The following FAM184A variants were observed in gnomAD, a reference collection of about 807,000 sequenced individuals.
FAM184A encodes protein FAM184A.
Under a neutral mutation model 143.8 loss-of-function variants are expected in FAM184A, and 99 were observed. The ratio of observed to expected loss-of-function variants is 0.69; its 90% CI spans 0.58 to 0.81. The LOEUF (loss-of-function observed/expected upper bound fraction) is 0.81. FAM184A is among the 40% of genes least tolerant of loss of function. The pLI is 0.00. For missense variants in FAM184A, 1,217 were observed against 1,310.5 expected, an observed-to-expected ratio of 0.93 and a Z score of 1.10; for synonymous variants, 427 against 446.4, an observed-to-expected ratio of 0.96 and a Z score of 0.55.
intron 1 of FAM184A, among the ~76,000 whole-genome samples, chr6:119,114,032 A>G (rs1039460732): frequency 2.0e-5 from 3 of 152,188 alleles, no homozygotes; most frequent in Non-Finnish European, 4.4e-5. Flanking sequence ...TACGGTGCCT[A>G]GTTTATAAAT....
Position 119,003,628 on chromosome 6 carries a change from G to T in FAM184A, c.1816-6C>A. 1 of 1,593,576 alleles carries T rather than the reference G, an allele frequency of 6.3e-7. No homozygotes were observed. Among genetic ancestry groups the T allele is most frequent in the Non-Finnish European group, 8.5e-7 (1 of 1,172,128 alleles). On this transcript the variant is annotated splice_region_variant and splice_polypyrimidine_tract_variant and intron_variant, in intron 7 of 17. Coordinates refer to ENST00000338891, the MANE Select transcript of FAM184A (RefSeq NM_024581.6). ...CTTTCTTGTTCTAGCTCACCCTGAAGAATAAAAACTTTTCAATGAAGACTA... is the reference window on the plus strand; with the variant it reads ...CTTTCTTGTTCTAGCTCACCCTGAATAATAAAAACTTTTCAATGAAGACTA...
chr6:119,122,080 A>G (rs947337525), intron 1 of FAM184A, among the ~76,000 whole-genome samples: 1 of 152,118 alleles, frequency 6.6e-6, no homozygotes, highest in Non-Finnish European at 1.5e-5. Flanking sequence ...GGAACTTTTT[A>G]GTGCAACTCT....
chr6:119,117,472 A>G (rs1215683260), intron 1 of FAM184A, among the ~76,000 whole-genome samples: 1 of 152,216 alleles, frequency 6.6e-6, no homozygotes, highest in Non-Finnish European at 1.5e-5. Context: ...GAGTACAGCA[A>G]TGTATAATCG....
chr6:118,959,945 C>G lies in FAM184A; in HGVS notation c.*158G>C, dbSNP rs988337917. 1 of 520,624 alleles carries G rather than the reference C, an allele frequency of 1.9e-6. No individual in the cohort carries two copies. The highest frequency in any genetic ancestry group is 1.9e-5 in the African/African-American group (1 of 52,574). 32.3% of individuals were successfully genotyped at this position (520,624 alleles called of 1,614,324 possible). On this transcript the variant is annotated 3_prime_UTR_variant, in exon 18 of 18. Coordinates refer to ENST00000338891, the MANE Select transcript of FAM184A (RefSeq NM_024581.6). ...AATATAGTACCTTATAGAATGATTC[C>G]AATAAATATCACAGGAAATACAGTG...
At chr6:118,973,422 A>G (rs1187374214) in intron 14 of FAM184A, among the ~76,000 whole-genome samples, 1 of 152,200 alleles carries the variant, frequency 6.6e-6, no homozygotes, top group African/African-American at 2.4e-5. Flanking sequence ...CAGGAAACCA[A>G]GAAGGTCCAC....
intron 1 of FAM184A, among the ~76,000 whole-genome samples, chr6:119,133,963 T>A (rs551797390): frequency 6.6e-6 from 1 of 151,860 alleles, no homozygotes; most frequent in South Asian, 2.1e-4. Flanking sequence ...ATTACTGGTG[T>A]GAACCCTCAT....
At chr6:119,140,236 C>T (rs1355746866) in intron 1 of FAM184A, among the ~76,000 whole-genome samples, 4 of 152,090 alleles carry the variant, frequency 2.6e-5, no homozygotes, top group African/African-American at 9.7e-5. Flanking sequence ...AGGGAGAGGA[C>T]ATTGAGGATG....
intron 14 of FAM184A, among the ~76,000 whole-genome samples, chr6:118,968,249 G>A (rs1056339839): frequency 3.3e-5 from 5 of 151,992 alleles, no homozygotes; most frequent in Admixed American, 6.6e-5. Context: ...TAACACTAAT[G>A]ATAGCTGATG....
intron 1 of FAM184A, among the ~76,000 whole-genome samples, chr6:119,028,554 A>T (rs540633563): frequency 6.6e-6 from 1 of 152,300 alleles, no homozygotes; most frequent in African/African-American, 2.4e-5. Flanking sequence ...ACAAAAGTCA[A>T]GTTTCCAGAT....
At chr6:119,139,115 C>G (rs751379981) in intron 1 of FAM184A, among the ~76,000 whole-genome samples, 1 of 152,128 alleles carries the variant, frequency 6.6e-6, no homozygotes, top group Non-Finnish European at 1.5e-5. Context: ...CCTGCCCACT[C>G]CTCTCCCCAT....
At chr6:119,065,516 C>T (rs1787416964) in intron 1 of FAM184A, among the ~76,000 whole-genome samples, 1 of 152,208 alleles carries the variant, frequency 6.6e-6, no homozygotes, top group South Asian at 2.1e-4. Flanking sequence ...CAATAGGTAA[C>T]TAACACGTGT....
intron 1 of FAM184A, among the ~76,000 whole-genome samples, chr6:119,034,035 TATATATAGAGAGAGAGAGAG>T (rs1387187246): frequency 2.9e-5 from 1 of 34,260 alleles, no homozygotes; most frequent in African/African-American, 1.1e-4. Flanking sequence ...TATATATATA[TATATATAGAGAGAGAGAGAG>T]AGAGAGAGAG....
chr6:119,089,395 G>C (rs971724556), intron 1 of FAM184A, among the ~76,000 whole-genome samples: 1 of 151,566 alleles, frequency 6.6e-6, no homozygotes, highest in Non-Finnish European at 1.5e-5. Flanking sequence ...TCGTAGAGAC[G>C]GGTTTCAACT....
At chr6:118,963,066 A>T (rs1562452298) in intron 16 of FAM184A, 1 of 152,112 alleles carries the variant, frequency 6.6e-6, no homozygotes, top group Non-Finnish European at 1.5e-5. Context: ...CCAGAAAAAG[A>T]AAATAATAAT....
chr6:119,128,521 T>A (rs1789435453), intron 1 of FAM184A, among the ~76,000 whole-genome samples: 1 of 152,190 alleles, frequency 6.6e-6, no homozygotes, highest in Non-Finnish European at 1.5e-5. Context: ...GTGCCTGGTT[T>A]GTTTCAAGAT....
intron 1 of FAM184A, among the ~76,000 whole-genome samples, chr6:119,092,666 G>A (rs1490750495): frequency 2.6e-5 from 4 of 151,570 alleles, no homozygotes; most frequent in Non-Finnish European, 5.9e-5. Flanking sequence ...GGTCTCTTTG[G>A]GGGAAGAATT....
intron 1 of FAM184A, among the ~76,000 whole-genome samples, chr6:119,123,111 G>A (rs113721931): frequency 5.3e-5 from 8 of 151,786 alleles, no homozygotes; most frequent in African/African-American, 1.2e-4. Context: ...AGGGGCAGGC[G>A]GGGGGATGGT....
chr6:119,060,839 TC>T (rs1787205594), intron 1 of FAM184A, among the ~76,000 whole-genome samples: 1 of 152,128 alleles, frequency 6.6e-6, no homozygotes, highest in Non-Finnish European at 1.5e-5. Context: ...TTGTGTTCCA[TC>T]GTGAGTAAAA....
At chr6:119,059,555 CTTATTTGTT>C (rs1787141647) in intron 1 of FAM184A, among the ~76,000 whole-genome samples, 1 of 152,158 alleles carries the variant, frequency 6.6e-6, no homozygotes, top group East Asian at 1.9e-4. Flanking sequence ...TGGTTTCCAA[CTTATTTGTT>C]TTAAAAGCTT....
Sources: gnomAD v4.1 joint callset for allele counts (sites outside exome capture counted in the v4.1 genomes callset) on GRCh38, gnomAD v4.1.1 for gene constraint, MANE v1.5 for transcripts, NCBI Gene and HGNC (gene_info 2026-07-23, HGNC 2026-07-21) for gene names.